WASF3: variants seen among roughly 807,000 people sequenced by gnomAD.
WASF3 encodes the protein actin-binding protein WASF3.
A neutral mutation model predicts 46.6 loss-of-function variants in WASF3; 11 were observed. The ratio of observed to expected loss-of-function variants is 0.24; its 90% CI spans 0.15 to 0.39. The LOEUF is 0.39. Among genes scored for constraint, WASF3 ranks in the 10% least tolerant of loss-of-function variants. The pLI, the probability that WASF3 is intolerant of heterozygous loss-of-function variation, is 1.00. For missense variants in WASF3, 576 were observed against 669.8 expected, an observed-to-expected ratio of 0.86 and a Z score of 1.55; for synonymous variants, 242 against 259.7, an observed-to-expected ratio of 0.93 and a Z score of 0.65.
upstream of WASF3, among the ~76,000 whole-genome samples, chr13:26,554,252 T>A (rs755036538): frequency 2.0e-5 from 3 of 151,856 alleles, no homozygotes; most frequent in Non-Finnish European, 4.4e-5. Context: ...TTAGCCTCCT[T>A]CTGAGTGGCT....
the WASF3 span, among the ~76,000 whole-genome samples, chr13:26,551,741 T>A: frequency 6.6e-6 from 1 of 152,076 alleles, no homozygotes; most frequent in African/African-American, 2.4e-5. Flanking sequence ...GCCCAGGGCA[T>A]GTAGGGCGAA....
In WASF3 at chr13:26,682,676, G is replaced by A; in HGVS notation, c.1053G>A (p.Val351=). The change falls in exon 9 of 10, where the codon GTG becomes GTA. Residue 351 remains valine, a synonymous_variant. Coordinates refer to ENST00000335327, the MANE Select transcript of WASF3 (RefSeq NM_006646.6). The surrounding 1 kb of genome is among the most constrained non-coding windows in gnomAD (Gnocchi z 4.4). ...SGPPPPPPPP[V]IPSAQTAFVS... Reference sequence around the variant, plus strand: ...CACCTCCTCCGCCACCTCCTCCTGTGATTCCCTCAGCACAAACTGCCTTCG... The same window carrying A: ...CACCTCCTCCGCCACCTCCTCCTGTAATTCCCTCAGCACAAACTGCCTTCG... 6.2e-7 allele frequency: 1 copy of A among 1,614,092 alleles called. No individual in the cohort carries two copies. The highest frequency in any genetic ancestry group is 8.5e-7 in the Non-Finnish European group (1 of 1,180,020).
intron 7 of WASF3, among the ~76,000 whole-genome samples, chr13:26,678,956 C>CCA (rs1883146225): frequency 2.0e-5 from 3 of 152,162 alleles, no homozygotes; most frequent in Admixed American, 6.5e-5. Context: ...TCCCGGCCCT[C>CCA]CTCCTCCCAT....
At chr13:26,671,613 T>C (rs889428502) in intron 5 of WASF3, among the ~76,000 whole-genome samples, 2 of 152,164 alleles carry the variant, frequency 1.3e-5, no homozygotes, top group Admixed American at 1.3e-4. Flanking sequence ...ATTTTTTTTT[T>C]CTGAGCAATT....
chr13:26,682,790 G>T lies in WASF3; in HGVS notation c.1167G>T (p.Gly389=). 1 of 1,611,238 alleles carries T rather than the reference G, an allele frequency of 6.2e-7. No individual in the cohort carries two copies. ...HAAPPHPPST[G]LLVTAPPPPG... is the part of the protein sequence containing the mutation. The stretch of plus-strand genomic sequence containing the variant: ...CTCCTCCTCACCCACCCTCCACCGG[G>T]CTCCTGGTCACAGCCCCGCCACCCC... Residue 389 remains glycine, a synonymous_variant, in exon 9 of 10, where the codon GGG becomes GGT. Coordinates refer to ENST00000335327, the MANE Select transcript of WASF3 (RefSeq NM_006646.6). The surrounding 1 kb of genome is among the most constrained non-coding windows in gnomAD (Gnocchi z 4.4).
chr13:26,630,787 G>A (rs1881628572), intron 2 of WASF3, among the ~76,000 whole-genome samples: 2 of 152,214 alleles, frequency 1.3e-5, no homozygotes, highest in Non-Finnish European at 2.9e-5. Flanking sequence ...CAGTGTAAAA[G>A]CATTGCTATT....
intron 1 of WASF3, among the ~76,000 whole-genome samples, chr13:26,563,420 T>G (rs1879362476): frequency 3.3e-5 from 5 of 151,872 alleles, no homozygotes; most frequent in Admixed American, 3.3e-4. Context: ...ATCCCAGCAC[T>G]TTGGGAGGCT....
chr13:26,549,743 A>G, the WASF3 span, among the ~76,000 whole-genome samples: 1 of 152,210 alleles, frequency 6.6e-6, no homozygotes, highest in South Asian at 2.1e-4. Context: ...AGATCTTTAA[A>G]TTTTATAGGA....
intron 1 of WASF3, chr13:26,576,937 A>G (rs1593375399): frequency 2.6e-6 from 2 of 768,522 alleles, no homozygotes; most frequent in South Asian, 2.8e-5. Context: ...AAAGGGAGCC[A>G]AGAAGAAAGT....
rs551049782 is a variant in WASF3, at chr13:26,562,340, C to T, written c.-109+4521C>T. Among the ~76,000 whole-genome samples, 13 of 152,136 alleles carry T rather than the reference C, an allele frequency of 8.5e-5. 1 individual carries two copies. In the East Asian group the frequency reaches 1.5e-3, roughly 18 times the overall value. On this transcript the variant is annotated intron_variant, in intron 1 of 9. Coordinates refer to ENST00000335327, the MANE Select transcript of WASF3 (RefSeq NM_006646.6). ...GCAGGCAGGGCGTGCTCAGCTGCTG[C>T]GAGCTGTTAGTAATACAGGGGACAC... is the stretch of plus-strand genomic sequence containing the variant.
chr13:26,578,993 C>CTTTTT (rs200299739), intron 1 of WASF3, among the ~76,000 whole-genome samples: 2,544 of 60,326 alleles, frequency 0.042, 401 homozygotes, highest in East Asian at 0.13. Flanking sequence ...GATACATTTC[C>CTTTTT]TTTTTTTTTT....
the WASF3 span, among the ~76,000 whole-genome samples, chr13:26,541,052 T>C: frequency 6.6e-6 from 1 of 152,372 alleles, no homozygotes; most frequent in Non-Finnish European, 1.5e-5. Context: ...TTCATTTTGC[T>C]TATTTATATT....
At chr13:26,646,249 ATATG>A (rs1882147020) in intron 3 of WASF3, among the ~76,000 whole-genome samples, 1 of 152,214 alleles carries the variant, frequency 6.6e-6, no homozygotes. Context: ...ATGCAAATAT[ATATG>A]AGCTAAAGTT....
the WASF3 span, among the ~76,000 whole-genome samples, chr13:26,543,150 G>C: frequency 6.6e-6 from 1 of 151,614 alleles, no homozygotes; most frequent in Non-Finnish European, 1.5e-5. Flanking sequence ...GGAGGTGGTG[G>C]GGACGTGGAG....
intron 3 of WASF3, among the ~76,000 whole-genome samples, chr13:26,656,437 A>G (rs1242708114): frequency 6.6e-6 from 1 of 152,216 alleles, no homozygotes; most frequent in Non-Finnish European, 1.5e-5. Flanking sequence ...TAAGGCCAAA[A>G]TAATTGTCAC....
intron 3 of WASF3, among the ~76,000 whole-genome samples, chr13:26,650,968 T>C (rs9507754): frequency 3.3e-5 from 5 of 151,930 alleles, no homozygotes; most frequent in Admixed American, 3.3e-4. Context: ...AGAGCAGAAG[T>C]AGTAATGGAA....
intron 2 of WASF3, chr13:26,641,213 A>G (rs1208194924): frequency 2.0e-5 from 3 of 152,176 alleles, no homozygotes; most frequent in African/African-American, 7.2e-5. Context: ...AGGCATTCTT[A>G]AAAGGAGTTT....
intron 2 of WASF3, among the ~76,000 whole-genome samples, chr13:26,635,834 A>G (rs1593161618): frequency 6.6e-6 from 1 of 152,366 alleles, no homozygotes; most frequent in African/African-American, 2.4e-5. Context: ...GCAGAATAGC[A>G]AACATTGCAG....
At chr13:26,669,617 G>T (rs532379269) in intron 5 of WASF3, among the ~76,000 whole-genome samples, 2 of 152,018 alleles carry the variant, frequency 1.3e-5, no homozygotes, top group Non-Finnish European at 2.9e-5. Context: ...GGGTTCAAGC[G>T]ATTCTCCTGC....
Sources: allele counts gnomAD v4.1 joint callset (sites outside exome capture counted in the v4.1 genomes callset), GRCh38; gene constraint gnomAD v4.1.1; non-coding constraint Gnocchi (gnomAD v3.1); transcripts MANE v1.5; gene names NCBI Gene and HGNC (gene_info 2026-07-23, HGNC 2026-07-21).